The following RAD51B variants were observed in gnomAD, a reference collection of about 807,000 sequenced individuals.
RAD51B encodes DNA repair protein RAD51 homolog 2.
RAD51B carries 38 observed loss-of-function variants against 42.2 expected under a neutral mutation model. That is an observed-to-expected ratio of 0.90 (90% CI 0.70 to 1.18). The LOEUF is 1.18. RAD51B is among the 50% of genes most tolerant of loss of function. The pLI is 0.00. For missense variants in RAD51B, 373 were observed against 400.7 expected (o/e 0.93, Z 0.59); for synonymous variants, 154 against 145.2 (o/e 1.06, Z -0.43).
intron 7 of RAD51B, among the ~76,000 whole-genome samples, chr14:67,910,759 A>G (rs1407429813): frequency 6.6e-6 from 1 of 152,030 alleles, no homozygotes; most frequent in African/African-American, 2.4e-5. Flanking sequence ...ATTCTCCTTT[A>G]CAACGTTAGG....
At chr14:68,164,260 C>G (rs551022407) in intron 7 of RAD51B, among the ~76,000 whole-genome samples, 4 of 152,128 alleles carry the variant, frequency 2.6e-5, no homozygotes, top group Non-Finnish European at 4.4e-5. Context: ...ATTTCCTTTC[C>G]TTTAATAAAA....
At chr14:68,119,135 CAG>C (rs945735553) in intron 7 of RAD51B, among the ~76,000 whole-genome samples, 2 of 151,686 alleles carry the variant, frequency 1.3e-5, no homozygotes, top group Non-Finnish European at 2.9e-5. Context: ...TTTGTAGAGA[CAG>C]GGTGTCACCA....
At chr14:68,371,084 AG>A (rs911067255) in intron 8 of RAD51B, among the ~76,000 whole-genome samples, 3 of 151,376 alleles carry the variant, frequency 2.0e-5, no homozygotes, top group Non-Finnish European at 3.0e-5. Context: ...TTAAAAAAAA[AG>A]AATTATCTGT....
chr14:68,187,752 T>C (rs1331682574), intron 7 of RAD51B, among the ~76,000 whole-genome samples: 1 of 152,180 alleles, frequency 6.6e-6, no homozygotes, highest in African/African-American at 2.4e-5. Flanking sequence ...TGTTTATATA[T>C]TATATACTGT....
chr14:68,250,007 G>T (rs2080587431), intron 7 of RAD51B, among the ~76,000 whole-genome samples: 1 of 152,272 alleles, frequency 6.6e-6, no homozygotes, highest in South Asian at 2.1e-4. Context: ...TCCAAAGCAG[G>T]ACTCAAATTT....
At chr14:68,630,839 G>A (rs1045825654) in intron 10 of RAD51B, among the ~76,000 whole-genome samples, 5 of 152,270 alleles carry the variant, frequency 3.3e-5, no homozygotes, top group African/African-American at 7.2e-5. Context: ...AAGCCATCAC[G>A]TGGTAATACT....
Position 68,132,250 on chromosome 14 carries a change from A to T in RAD51B, c.757-159634A>T, listed in dbSNP as rs564898266. Among the ~76,000 whole-genome samples, 7 of 152,306 alleles carry T rather than the reference A, an allele frequency of 4.6e-5. No individual in the cohort carries two copies. The South Asian group carries it at 1.5e-3, about 32-fold the overall frequency. Reference sequence around the variant, plus strand: ...GGCTGCATTCAGTGGGGTAGAGGTAATTTTCCTCAAAGATTTGGGGTGCTA... The same window carrying T: ...GGCTGCATTCAGTGGGGTAGAGGTATTTTTCCTCAAAGATTTGGGGTGCTA... On this transcript the variant is annotated intron_variant, in intron 7 of 10. Transcript: ENST00000471583.
intron 7 of RAD51B, among the ~76,000 whole-genome samples, chr14:68,255,940 G>A (rs1475734324): frequency 6.6e-6 from 1 of 152,190 alleles, no homozygotes; most frequent in Non-Finnish European, 1.5e-5. Context: ...TTATGCACCA[G>A]TCACCTTGGA....
At chr14:68,185,191 C>T (rs2079133641) in intron 7 of RAD51B, among the ~76,000 whole-genome samples, 1 of 152,166 alleles carries the variant, frequency 6.6e-6, no homozygotes, top group African/African-American at 2.4e-5. Context: ...AGCCCCACTA[C>T]CTCATAGGGT....
intron 9 of RAD51B, among the ~76,000 whole-genome samples, chr14:68,413,705 C>T (rs17105585): frequency 0.36 from 54,701 of 151,946 alleles, 10,347 homozygotes; most frequent in South Asian, 0.53. Flanking sequence ...TGAGTCTTTC[C>T]TGTGGTCTTA....
chr14:67,857,574 G>A (rs530968838), intron 4 of RAD51B, among the ~76,000 whole-genome samples: 2 of 152,010 alleles, frequency 1.3e-5, no homozygotes, highest in African/African-American at 2.4e-5. Context: ...TAAAATAATG[G>A]CTTGTTTCAC....
At chr14:68,474,036 T>C (rs1423011019) in intron 10 of RAD51B, among the ~76,000 whole-genome samples, 1 of 152,264 alleles carries the variant, frequency 6.6e-6, no homozygotes, top group African/African-American at 2.4e-5. Context: ...GGCCACGTGA[T>C]ACACAGGTCA....
chr14:68,682,368 G>A (rs1893450198), intron 11 of RAD51B, among the ~76,000 whole-genome samples: 1 of 152,176 alleles, frequency 6.6e-6, no homozygotes, highest in Admixed American at 6.5e-5. Flanking sequence ...GCCAGTTCCA[G>A]TTGTCAGACA....
intron 7 of RAD51B, among the ~76,000 whole-genome samples, chr14:68,278,615 T>C (rs2081266428): frequency 6.6e-6 from 1 of 152,204 alleles, no homozygotes; most frequent in South Asian, 2.1e-4. Context: ...AAAGGGGTGC[T>C]AAGGGAAGGT....
chr14:68,132,775 A>C (rs2588833), intron 7 of RAD51B, among the ~76,000 whole-genome samples: 107,889 of 152,164 alleles, frequency 0.71, 40,953 homozygotes, highest in East Asian at 0.89. Flanking sequence ...TTACTCTCTC[A>C]TGCACATTAT....
intron 5 of RAD51B, among the ~76,000 whole-genome samples, chr14:67,885,506 CTTAT>C (rs760609832): frequency 3.9e-4 from 59 of 152,274 alleles, no homozygotes; most frequent in Non-Finnish European, 7.1e-4. Context: ...TTCAAATATA[CTTAT>C]TTCATTCAAG....
intron 5 of RAD51B, among the ~76,000 whole-genome samples, chr14:67,877,716 G>A (rs1317149613): frequency 6.6e-6 from 1 of 152,224 alleles, no homozygotes; most frequent in Non-Finnish European, 1.5e-5. Context: ...AGGCTAGAGT[G>A]CAGTGGCACA....
At chr14:68,450,478 C>A (rs534714382) in intron 9 of RAD51B, among the ~76,000 whole-genome samples, 2 of 152,104 alleles carry the variant, frequency 1.3e-5, no homozygotes, top group South Asian at 2.1e-4. Flanking sequence ...CTTGGCCGCC[C>A]GAAGTGCTGG....
chr14:68,449,225 A>T (rs1411538968), intron 9 of RAD51B, among the ~76,000 whole-genome samples: 1 of 152,238 alleles, frequency 6.6e-6, no homozygotes, highest in East Asian at 1.9e-4. Flanking sequence ...TTAAAAAACA[A>T]CAAAACTTTG....
Sources: allele counts gnomAD v4.1 joint callset (sites outside exome capture counted in the v4.1 genomes callset), GRCh38; gene constraint gnomAD v4.1.1; transcripts MANE v1.5; gene names NCBI Gene and HGNC (gene_info 2026-07-23, HGNC 2026-07-21).